SUN5: variants seen among roughly 807,000 people sequenced by gnomAD.
SUN5 encodes the protein SUN domain-containing protein 5.
A neutral mutation model predicts 53.7 loss-of-function variants in SUN5; 44 were observed. That is an observed-to-expected ratio of 0.82 (90% CI 0.64 to 1.05). SUN5 has a LOEUF of 1.05. Ranked by LOEUF, SUN5 falls within the 50% of genes least tolerant of loss-of-function variation. The pLI is 0.00. For synonymous variants in SUN5, 166 were observed against 179.8 expected, an observed-to-expected ratio of 0.92 and a Z score of 0.62; for missense variants, 433 against 483.8, an observed-to-expected ratio of 0.90 and a Z score of 0.98.
In SUN5 at chr20:33,002,606, C is replaced by G. The variant is rs1162078675; in HGVS notation, c.192G>C (p.Gln64His). 1 of 1,614,122 alleles carries G rather than the reference C, an allele frequency of 6.2e-7. No individual in the cohort carries two copies. Among genetic ancestry groups the G allele is most frequent in the East Asian group, 2.2e-5 (1 of 44,900 alleles). ...RNNDQALGLT[Q>H]CMLGCVSWFT... Reference sequence around the variant, plus strand: ...ACGTACACACACATCCCAGCATGCACTGAGTCAGGCCTAGGGCTTGGTCAT... The same window carrying G: ...ACGTACACACACATCCCAGCATGCAGTGAGTCAGGCCTAGGGCTTGGTCAT... Residue 64 changes from glutamine to histidine, a missense_variant, in exon 3 of 13, where the codon CAG (glutamine) becomes CAC (histidine). Physicochemically the swap from Gln to His is conservative, Grantham distance 24. Coordinates refer to ENST00000356173, the MANE Select transcript of SUN5 (RefSeq NM_080675.4).
At chr20:32,990,732 G>T (rs1600492786) in intron 8 of SUN5, among the ~76,000 whole-genome samples, 1 of 152,290 alleles carries the variant, frequency 6.6e-6, no homozygotes, top group Admixed American at 6.5e-5. Context: ...GAATCCAGAT[G>T]ATTCCAGCCC....
At chr20:32,985,009 G>A (rs1600487160) in intron 12 of SUN5, 90 bp downstream of exon 12, 1 of 1,348,766 alleles carries the variant, frequency 7.4e-7, no homozygotes, top group African/African-American at 1.4e-5. Flanking sequence ...ACCTCCTGGG[G>A]ATACTGGGGG....
rs1989754778 is a variant in SUN5 at position 32,993,321 on chromosome 20, A to G, written c.534+2298T>C. ...GAACTAAAATTCTGCAGAGCAGAAA[A>G]CCATTCTGAGATGTGCTGGCATTTT... On this transcript the variant is annotated intron_variant, in intron 8 of 12. Transcript: ENST00000356173. 7.9e-5 allele frequency among the ~76,000 whole-genome samples: 12 copies of G among 152,232 alleles called. No individual in the cohort carries two copies. The South Asian group carries it at 2.5e-3, about 32-fold the overall frequency.
At chr20:32,996,238 C>G in intron 7 of SUN5, 86 bp downstream of exon 7, 1 of 1,378,104 alleles carries the variant, frequency 7.3e-7, no homozygotes, top group East Asian at 2.3e-5. Flanking sequence ...ACTGCAGAGC[C>G]TATATTTGTA....
chr20:33,001,396 T>A (rs1368708921), intron 3 of SUN5, 118 bp from the exon 4 acceptor site: 1 of 1,147,830 alleles, frequency 8.7e-7, no homozygotes, highest in African/African-American at 1.5e-5. Flanking sequence ...CCTCTCGACT[T>A]GTTGGCCGAG....
chr20:32,987,697 AGCT>A lies in SUN5; in HGVS notation c.689_691del (p.Gln230del). ...GTCTGGGGGCTGTGCGTAGTTCCAC[AGCT>A]GGATCCAGTTCCAGTAGGAGTGGGC... On this transcript the variant is annotated inframe_deletion, in exon 10 of 13. Transcript: ENST00000356173. 6.2e-7 allele frequency: 1 copy of A among 1,613,138 alleles called. No individual in the cohort carries two copies. Among genetic ancestry groups the A allele is most frequent in the Non-Finnish European group, 8.5e-7 (1 of 1,179,736 alleles).
chr20:32,985,494 A>G (rs1989511665), intron 11 of SUN5, among the ~76,000 whole-genome samples: 2 of 151,778 alleles, frequency 1.3e-5, no homozygotes, highest in South Asian at 4.2e-4. Context: ...TGGGGGCTCC[A>G]TGGTCTCTGA....
chr20:32,995,822 G>T, intron 7 of SUN5, 95 bp from the exon 8 acceptor site: 1 of 1,149,386 alleles, frequency 8.7e-7, no homozygotes, highest in Non-Finnish European at 1.3e-6. Flanking sequence ...CTCAAAGAAT[G>T]AGTTTCAGAT....
intron 10 of SUN5, among the ~76,000 whole-genome samples, chr20:32,986,318 T>C (rs1388728199): frequency 6.6e-6 from 1 of 152,132 alleles, no homozygotes; most frequent in East Asian, 1.9e-4. Flanking sequence ...CAATGACTGG[T>C]CCAGGGCCAT....
Position 32,987,678 on chromosome 20 carries a change from G to A in SUN5, c.711C>T (p.Pro237=), listed in dbSNP as rs1489448921. ...CCCCTGCCTCAAGGATCACGTCTGG[G>A]GGCTGTGCGTAGTTCCACAGCTGGA... ...NWIQLWNYAQ[P]PDVILEPNVT... The change falls in exon 10 of 13, where the codon CCC becomes CCT. Residue 237 remains proline (P), a synonymous_variant. Transcript: ENST00000356173. 3 of 1,611,490 alleles carry A rather than the reference G, an allele frequency of 1.9e-6. No homozygotes were observed. The highest frequency in any genetic ancestry group is 2.2e-5 in the East Asian group (1 of 44,810).
chr20:32,999,614 T>A (rs1989946152), intron 5 of SUN5, among the ~76,000 whole-genome samples: 1 of 152,166 alleles, frequency 6.6e-6, no homozygotes, highest in Non-Finnish European at 1.5e-5. Flanking sequence ...GTGTTATTTA[T>A]CGAAGTCCTA....
Position 33,004,386 on chromosome 20 carries a change from G to A in SUN5, c.-46C>T. On this transcript the variant is annotated 5_prime_UTR_variant, in exon 1 of 13. Coordinates refer to ENST00000356173, the MANE Select transcript of SUN5 (RefSeq NM_080675.4). ...GGGGATGGAGATGGGAACTCTGGGA[G>A]CTGGTGAGGAGGAAGGGGCTGATGC... 1 of 1,520,164 alleles carries A rather than the reference G, an allele frequency of 6.6e-7. No individual in the cohort carries two copies. The allele number at this position is 1,520,164 out of a possible 1,614,324, so 94.2% of individuals were successfully genotyped here.
intron 3 of SUN5, among the ~76,000 whole-genome samples, chr20:33,001,519 C>CTTTCTTTTCTTTCTTTCT (rs68051515): frequency 3.3e-5 from 4 of 121,324 alleles, no homozygotes; most frequent in African/African-American, 3.5e-5. Flanking sequence ...TTCTTTCTTT[C>CTTTCTTTTCTTTCTTTCT]TTCTTTCTTT....
chr20:32,985,434 C>T (rs1989509510), intron 11 of SUN5, among the ~76,000 whole-genome samples: 1 of 152,080 alleles, frequency 6.6e-6, no homozygotes, highest in Non-Finnish European at 1.5e-5. Context: ...TTCTCTGGAC[C>T]TTATTTCACC....
chr20:32,998,309 C>T (rs545910701), intron 5 of SUN5, among the ~76,000 whole-genome samples: 6 of 152,034 alleles, frequency 3.9e-5, no homozygotes, highest in African/African-American at 1.4e-4. Context: ...CTGTGATCCA[C>T]TGCACTCCAG....
intron 8 of SUN5, among the ~76,000 whole-genome samples, chr20:32,992,602 G>A (rs1209654008): frequency 6.6e-6 from 1 of 152,104 alleles, no homozygotes; most frequent in Non-Finnish European, 1.5e-5. Context: ...AGATACACTG[G>A]ACTTAATTAA....
chr20:32,995,959 G>A (rs935293259), intron 7 of SUN5, among the ~76,000 whole-genome samples: 1 of 152,104 alleles, frequency 6.6e-6, no homozygotes, highest in African/African-American at 2.4e-5. Flanking sequence ...ATATTCCTGA[G>A]TATTTTGTCT....
chr20:33,003,989 C>G (rs899192691), intron 1 of SUN5, among the ~76,000 whole-genome samples: 12 of 152,232 alleles, frequency 7.9e-5, no homozygotes, highest in African/African-American at 2.9e-4. Context: ...CATGAGGGAA[C>G]GGAGCACATC....
At chr20:32,985,617 G>A (rs1443673561) in intron 11 of SUN5, 119 bp downstream of exon 11, 3 of 1,296,118 alleles carry the variant, frequency 2.3e-6, no homozygotes, top group Non-Finnish European at 3.2e-6. Flanking sequence ...TAACCAAGCT[G>A]CATTCAGCCC....
Sources: gnomAD v4.1 joint callset for allele counts (sites outside exome capture counted in the v4.1 genomes callset) on GRCh38, gnomAD v4.1.1 for gene constraint, MANE v1.5 for transcripts, NCBI Gene and HGNC (gene_info 2026-07-23, HGNC 2026-07-21) for gene names.